Variants in MAP3K20 observed in about 807,000 individuals in gnomAD.
MAP3K20 encodes mitogen-activated protein kinase kinase kinase 20.
Under a neutral mutation model 85.7 loss-of-function variants are expected in MAP3K20, and 40 were observed. That is an observed-to-expected ratio of 0.47 (90% CI 0.36 to 0.61). The LOEUF (loss-of-function observed/expected upper bound fraction) is 0.61. MAP3K20 is among the 20% of genes least tolerant of loss of function. MAP3K20 has a pLI of 0.00. For missense variants in MAP3K20, 817 were observed against 961.7 expected (o/e 0.85, Z 1.99); for synonymous variants, 325 against 327.7 (o/e 0.99, Z 0.09).
chr2:173,216,469 G>T (rs530645009), intron 10 of MAP3K20, among the ~76,000 whole-genome samples: 1 of 151,716 alleles, frequency 6.6e-6, no homozygotes, highest in Non-Finnish European at 1.5e-5. Context: ...TGAGCTCTAA[G>T]GAAGGGTCCT....
intron 2 of MAP3K20, among the ~76,000 whole-genome samples, chr2:173,141,444 G>T (rs1301745921): frequency 6.6e-6 from 1 of 152,138 alleles, no homozygotes; most frequent in African/African-American, 2.4e-5. Flanking sequence ...AAATTGTACT[G>T]ATGGGGCTTA....
intron 11 of MAP3K20, 69 bp from the exon 12 acceptor site, chr2:173,229,618 CAA>C: frequency 6.3e-7 from 1 of 1,594,756 alleles, no homozygotes; most frequent in Non-Finnish European, 8.5e-7. Flanking sequence ...AAGAGTGAGA[CAA>C]GAGGATGAAC....
intron 10 of MAP3K20, chr2:173,214,221 G>A (rs1399259135): frequency 6.6e-6 from 1 of 152,134 alleles, no homozygotes; most frequent in Admixed American, 6.5e-5. Context: ...ACAAAATCTA[G>A]TGTCAGACTT....
At chr2:173,108,426 C>T (rs184955329) in intron 2 of MAP3K20, among the ~76,000 whole-genome samples, 92 of 152,288 alleles carry the variant, frequency 6.0e-4, no homozygotes, top group African/African-American at 1.9e-3. Flanking sequence ...CCACCGCGCC[C>T]GGCATAAACT....
Position 173,093,648 on chromosome 2 carries a change from C to T in MAP3K20, c.159+2458C>T, listed in dbSNP as rs1687367097. Among the ~76,000 whole-genome samples the T allele has an allele frequency of 3.3e-5, 5 of 151,714 alleles. No individual in the cohort carries two copies. The South Asian group carries it at 1.0e-3, about 31-fold the overall frequency. On this transcript the variant is annotated intron_variant, in intron 2 of 19. Transcript: ENST00000375213. Reference sequence around the variant, plus strand: ...TTTATTTAAAAAAATTTTTATATACCCAAAGGACTATAAATCATGCTGCTA... The same window carrying T: ...TTTATTTAAAAAAATTTTTATATACTCAAAGGACTATAAATCATGCTGCTA...
chr2:173,145,662 G>T (rs896617896), intron 2 of MAP3K20, among the ~76,000 whole-genome samples: 2 of 152,086 alleles, frequency 1.3e-5, no homozygotes, highest in South Asian at 2.1e-4. Flanking sequence ...TATGTTTTTG[G>T]GGGGAGTGTG....
At position 173,153,523 on chromosome 2, in the gene MAP3K20, G is replaced by C. The variant is rs965119127; in HGVS notation, c.160-16282G>C. 2.6e-5 allele frequency among the ~76,000 whole-genome samples: 4 copies of C among 152,262 alleles called. No homozygotes were observed. The East Asian group carries it at 7.7e-4, about 29-fold the overall frequency. ...GAAGTGTTCAGTCAGTAGGATGCCTGTTTCTTAGAATATTACTAAGAGGGT... is the reference window on the plus strand; with the variant it reads ...GAAGTGTTCAGTCAGTAGGATGCCTCTTTCTTAGAATATTACTAAGAGGGT... On this transcript the variant is annotated intron_variant, in intron 2 of 19. Transcript: ENST00000375213.
rs529122472 is a variant in MAP3K20, at chr2:173,160,142, G to A, written c.160-9663G>A. On this transcript the variant is annotated intron_variant, in intron 2 of 19. Coordinates refer to ENST00000375213, the MANE Select transcript of MAP3K20 (RefSeq NM_016653.3). The stretch of plus-strand genomic sequence containing the variant: ...ATAGGATGTATTCTATTATGGGTTT[G>A]AATTCAGTTCATTTATCCTTCTTTA... 3 of 152,166 alleles carry A rather than the reference G, an allele frequency of 2.0e-5. No individual in the cohort carries two copies. The East Asian group carries it at 5.8e-4, about 29-fold the overall frequency. 9.4% of individuals were successfully genotyped at this position (152,166 alleles called of 1,614,324 possible).
intron 7 of MAP3K20, 166 bp from the exon 8 acceptor site, chr2:173,197,860 A>T: frequency 2.6e-6 from 1 of 385,338 alleles, no homozygotes; most frequent in Non-Finnish European, 4.6e-6. Flanking sequence ...AAAAGTATTT[A>T]ATATATAGAA....
At chr2:173,077,379 CAAAAAA>C (rs35541382) in intron 1 of MAP3K20, among the ~76,000 whole-genome samples, 1 of 96,230 alleles carries the variant, frequency 1.0e-5, no homozygotes, top group African/African-American at 4.2e-5. Flanking sequence ...TTCAATTTTC[CAAAAAA>C]AAAAAAAAAA....
Position 173,188,123 on chromosome 2 carries a change from CAT to C in MAP3K20, c.415+501_415+502del, listed in dbSNP as rs113645696. The stretch of plus-strand genomic sequence containing the variant: ...TGGAGTAGTGCCCAGAAATGAGCCA[CAT>C]GATTGGAAGTTTGGAAAGTAAAGGC... On this transcript the variant is annotated intron_variant, in intron 5 of 19. Transcript: ENST00000375213. Among the ~76,000 whole-genome samples the C allele has an allele frequency of 6.4e-3, 981 of 152,292 alleles. 6 individuals carry two copies. Among genetic ancestry groups the C allele is most frequent in the Non-Finnish European group, 8.1e-3 (550 of 68,024 alleles).
chr2:173,134,532 A>C (rs1313285754), intron 2 of MAP3K20, among the ~76,000 whole-genome samples: 3 of 145,032 alleles, frequency 2.1e-5, no homozygotes, highest in Admixed American at 1.4e-4. Flanking sequence ...CTCCTCCCAA[A>C]GTGCTGGGAT....
chr2:173,144,481 A>AGG (rs1559250785), intron 2 of MAP3K20, among the ~76,000 whole-genome samples: 4 of 138,938 alleles, frequency 2.9e-5, no homozygotes, highest in Admixed American at 8.3e-5. Context: ...AAAAAAAAAA[A>AGG]AAAAGAAAAG....
chr2:173,119,248 A>G (rs1215225580), intron 2 of MAP3K20, among the ~76,000 whole-genome samples: 1 of 152,196 alleles, frequency 6.6e-6, no homozygotes, highest in African/African-American at 2.4e-5. Context: ...GAACTGGTTT[A>G]CAAGAAGCCA....
chr2:173,121,445 CAG>C (rs1574032226), intron 2 of MAP3K20, among the ~76,000 whole-genome samples: 1 of 152,144 alleles, frequency 6.6e-6, no homozygotes, highest in African/African-American at 2.4e-5. Flanking sequence ...TGGAGTGCAG[CAG>C]GCAATCTCGG....
chr2:173,191,062 G>T lies in MAP3K20; in HGVS notation c.467G>T (p.Arg156Leu). The T allele has an allele frequency of 6.2e-7, 1 of 1,613,752 alleles. No homozygotes were observed. The highest frequency in any genetic ancestry group is 8.5e-7 in the Non-Finnish European group (1 of 1,179,864). The change falls in exon 7 of 20, where the codon CGG (arginine) becomes CTG (leucine). Residue 156 changes from arginine to leucine, a missense_variant. Transcript: ENST00000375213. ...CAGATCTGTGACTTTGGTGCCTCTCGGTTCCATAACCATACAACACACATG... is the reference window on the plus strand; with the variant it reads ...CAGATCTGTGACTTTGGTGCCTCTCTGTTCCATAACCATACAACACACATG... Reference protein sequence around the residue: ...VLKICDFGASRFHNHTTHMSL... With the variant: ...VLKICDFGASLFHNHTTHMSL...
rs968384714 is a variant in MAP3K20 at position 173,176,601 on chromosome 2, T to C, written c.248-6253T>C. Reference sequence around the variant, plus strand: ...CAAGGATTTAAATGATAGATTAAAATTTTTTATTGCAAAAGAGGACAATAA... The same window carrying C: ...CAAGGATTTAAATGATAGATTAAAACTTTTTATTGCAAAAGAGGACAATAA... On this transcript the variant is annotated intron_variant, in intron 3 of 19. Transcript: ENST00000375213. 1.3e-4 allele frequency among the ~76,000 whole-genome samples: 20 copies of C among 152,064 alleles called. 1 individual carries two copies. Among genetic ancestry groups the C allele is most frequent in the Non-Finnish European group, 2.9e-5 (2 of 67,966 alleles).
intron 2 of MAP3K20, among the ~76,000 whole-genome samples, chr2:173,109,731 G>T (rs775510672): frequency 6.6e-6 from 1 of 152,052 alleles, no homozygotes; most frequent in Non-Finnish European, 1.5e-5. Flanking sequence ...GGGCACTGGC[G>T]CCAGGTAGAA....
chr2:173,158,871 T>A (rs1689557965), intron 2 of MAP3K20, among the ~76,000 whole-genome samples: 1 of 152,250 alleles, frequency 6.6e-6, no homozygotes, highest in East Asian at 1.9e-4. Flanking sequence ...GAAGCCTATG[T>A]GACTCCAGAG....
Sources: gnomAD v4.1 joint callset for allele counts (sites outside exome capture counted in the v4.1 genomes callset) on GRCh38, gnomAD v4.1.1 for gene constraint, MANE v1.5 for transcripts, NCBI Gene and HGNC (gene_info 2026-07-23, HGNC 2026-07-21) for gene names.